Variants in UBP1 observed in about 807,000 individuals in gnomAD.
UBP1 encodes the protein upstream-binding protein 1.
UBP1 carries 22 observed loss-of-function variants against 76.1 expected under a neutral mutation model. That is an observed-to-expected ratio of 0.29 (90% CI 0.21 to 0.41). The LOEUF (loss-of-function observed/expected upper bound fraction) is 0.41. Among genes scored for constraint, UBP1 ranks in the 10% least tolerant of loss-of-function variants. The pLI, the probability that UBP1 is intolerant of heterozygous loss-of-function variation, is 1.00. For synonymous variants in UBP1, 224 were observed against 237.1 expected (o/e 0.94, Z 0.51); for missense variants, 436 against 668.1 (o/e 0.65, Z 3.83).
intron 8 of UBP1, among the ~76,000 whole-genome samples, chr3:33,404,583 G>C (rs1559676389): frequency 6.6e-6 from 1 of 151,778 alleles, no homozygotes; most frequent in African/African-American, 2.4e-5. Flanking sequence ...GGAAGGGGAG[G>C]CTGCAGTGAG....
chr3:33,441,233 GAT>G (rs1168432598), upstream of UBP1: 3 of 152,322 alleles, frequency 2.0e-5, no homozygotes, highest in African/African-American at 7.2e-5. Context: ...TACCGGAAGA[GAT>G]GAAATAGAAA....
intron 2 of UBP1, among the ~76,000 whole-genome samples, chr3:33,417,812 C>A (rs565191741): frequency 2.6e-5 from 4 of 152,262 alleles, no homozygotes; most frequent in Non-Finnish European, 4.4e-5. Flanking sequence ...TAACTACCAA[C>A]ACCTTGTCCA....
In UBP1 at chr3:33,393,326, G is replaced by C. The variant is rs778427257; in HGVS notation, c.1519C>G (p.Leu507Val). Residue 507 changes from leucine to valine, a missense_variant, in exon 14 of 16, where the codon CTT becomes GTT. Leu to Val is a conservative substitution (Grantham distance 32, BLOSUM62 1). Coordinates refer to ENST00000283629, the MANE Select transcript of UBP1 (RefSeq NM_014517.5). ...ATTTGATTTACCTGATCACTAACAAGAATGTGAATACCGGTGGGACCCTGT... is the reference window on the plus strand; with the variant it reads ...ATTTGATTTACCTGATCACTAACAACAATGTGAATACCGGTGGGACCCTGT... ...YRQGPTGIHI[L>V]VSDQMVQNFQ... is the part of the protein sequence containing the mutation. 1.6e-5 allele frequency: 26 copies of C among 1,605,872 alleles called. No individual in the cohort carries two copies. Among genetic ancestry groups the C allele is most frequent in the Middle Eastern group, 1.7e-4 (1 of 6,032 alleles).
chr3:33,411,998 C>T lies in UBP1; in HGVS notation c.449-311G>A, dbSNP rs1396335725. 2.6e-5 allele frequency among the ~76,000 whole-genome samples: 4 copies of T among 151,946 alleles called. No homozygotes were observed. The South Asian group carries it at 6.3e-4, about 24-fold the overall frequency. On this transcript the variant is annotated intron_variant, in intron 4 of 15. Coordinates refer to ENST00000283629, the MANE Select transcript of UBP1 (RefSeq NM_014517.5). The stretch of plus-strand genomic sequence containing the variant: ...GGTCAGGAGTTTGAGACCAGCCTGG[C>T]GAACATGGTGAAACCCCGTCTCTAC...
At chr3:33,436,388 G>A (rs2045205419) in intron 1 of UBP1, among the ~76,000 whole-genome samples, 1 of 152,164 alleles carries the variant, frequency 6.6e-6, no homozygotes, top group Non-Finnish European at 1.5e-5. Flanking sequence ...TCTGTCATTA[G>A]CTCAAAGCAG....
chr3:33,416,938 T>TA lies in UBP1; in HGVS notation c.266-105dup, dbSNP rs2044744070. On this transcript the variant is annotated intron_variant, in intron 2 of 15. Transcript: ENST00000283629. ...TCTCAGAACATACATTACACAATGA[T>TA]AGTTTGTTAATTTGCTACGGAAGCA... The TA allele has an allele frequency of 3.0e-6, 3 of 983,784 alleles. No individual in the cohort carries two copies. The Admixed American group carries it at 7.0e-5, about 23-fold the overall frequency. The allele number at this position is 983,784 out of a possible 1,614,324, so 60.9% of individuals were successfully genotyped here. A position where few individuals can be genotyped will look rare whatever the true frequency, so the allele number is the denominator to read the frequency against.
chr3:33,395,750 GAAAAAAAAAAAAAA>G (rs61654235), intron 13 of UBP1, among the ~76,000 whole-genome samples: 3 of 69,796 alleles, frequency 4.3e-5, no homozygotes, highest in South Asian at 5.3e-4. Context: ...CAGGAAAATT[GAAAAAAAAAAAAAA>G]AAAAAAAAAG....
chr3:33,401,701 G>T (rs2044234709), intron 9 of UBP1, among the ~76,000 whole-genome samples: 1 of 152,188 alleles, frequency 6.6e-6, no homozygotes, highest in Non-Finnish European at 1.5e-5. Context: ...AGCTCCTTCA[G>T]ACGGGGGTCT....
rs963806305 is a variant in UBP1, at chr3:33,390,011, G to A, written c.*320C>T. 2 of 317,292 alleles carry A rather than the reference G, an allele frequency of 6.3e-6. No individual in the cohort carries two copies. Among genetic ancestry groups the A allele is most frequent in the South Asian group, 9.6e-5 (1 of 10,384 alleles). 19.7% of individuals were successfully genotyped at this position (317,292 alleles called of 1,614,324 possible). A position where few individuals can be genotyped will look rare whatever the true frequency, so the allele number is the denominator to read the frequency against. Reference sequence around the variant, plus strand: ...CATTCATTTCCAAACCGCATACAGTGTAAAAAGACAGCAAAGGCTGCTTCT... The same window carrying A: ...CATTCATTTCCAAACCGCATACAGTATAAAAAGACAGCAAAGGCTGCTTCT... On this transcript the variant is annotated 3_prime_UTR_variant, in exon 16 of 16. Transcript: ENST00000283629.
chr3:33,415,613 T>G lies in UBP1; in HGVS notation c.342+1145A>C, dbSNP rs567282502. Among the ~76,000 whole-genome samples, 3 of 152,228 alleles carry G rather than the reference T, an allele frequency of 2.0e-5. No homozygotes were observed. The East Asian group carries it at 5.8e-4, about 29-fold the overall frequency. On this transcript the variant is annotated intron_variant, in intron 3 of 15. Coordinates refer to ENST00000283629, the MANE Select transcript of UBP1 (RefSeq NM_014517.5). ...TGGGTATGTTCAAATTTTACCATAA[T>G]AAAAAGTTAAAAAAATTGTTCTAAC...
intron 13 of UBP1, among the ~76,000 whole-genome samples, chr3:33,395,771 AAAG>A (rs1376892788): frequency 2.7e-5 from 4 of 149,708 alleles, no homozygotes; most frequent in Non-Finnish European, 4.4e-5. Context: ...AAAAAAAAAA[AAAG>A]AAAAAGGAAA....
At chr3:33,425,450 T>C in intron 2 of UBP1, 140 bp downstream of exon 2, 1 of 949,244 alleles carries the variant, frequency 1.1e-6, no homozygotes, top group Non-Finnish European at 1.5e-6. Flanking sequence ...GTAAAATTCC[T>C]ACAATTTTCA....
At chr3:33,428,971 C>T (rs561540162) in intron 1 of UBP1, among the ~76,000 whole-genome samples, 57 of 152,238 alleles carry the variant, frequency 3.7e-4, no homozygotes, top group African/African-American at 1.1e-3. Flanking sequence ...GACAACATGA[C>T]ACTGGAGTCC....
intron 2 of UBP1, among the ~76,000 whole-genome samples, chr3:33,418,009 C>T (rs1455831076): frequency 6.6e-6 from 1 of 152,082 alleles, no homozygotes; most frequent in Non-Finnish European, 1.5e-5. Context: ...CTAAAAAACA[C>T]CTGTATGGGA....
chr3:33,403,681 G>C (rs974793397), intron 8 of UBP1: 3 of 152,076 alleles, frequency 2.0e-5, no homozygotes, highest in Non-Finnish European at 4.4e-5. Flanking sequence ...GCAAAATTCT[G>C]ACCAGAAACA....
intron 13 of UBP1, among the ~76,000 whole-genome samples, chr3:33,394,187 A>C (rs1001055130): frequency 8.2e-6 from 1 of 122,188 alleles, no homozygotes; most frequent in Non-Finnish European, 1.7e-5. Flanking sequence ...ATGCCTGGCT[A>C]ATTTTTATTA....
rs749748973 is a variant in UBP1 at position 33,411,600 on chromosome 3, C to T, written c.536G>A (p.Arg179His). 20 of 1,614,072 alleles carry T rather than the reference C, an allele frequency of 1.2e-5. No homozygotes were observed. The highest frequency in any genetic ancestry group is 1.4e-5 in the Non-Finnish European group (16 of 1,179,968). The change falls in exon 5 of 16, where the codon CGC becomes CAC. Residue 179 changes from arginine (R) to histidine (H), a missense_variant. Coordinates refer to ENST00000283629, the MANE Select transcript of UBP1 (RefSeq NM_014517.5). The part of the protein sequence containing the change: ...AVEFLWDPAK[R>H]TSAFIQVHCI... Reference sequence around the variant, plus strand: ...CCAAACCTGAATGAAAGCAGAGGTGCGTTTTGCTGGGTCCCACAGAAATTC... The same window carrying T: ...CCAAACCTGAATGAAAGCAGAGGTGTGTTTTGCTGGGTCCCACAGAAATTC...
At chr3:33,397,599 G>A (rs1048719658) in intron 11 of UBP1, 4 of 152,332 alleles carry the variant, frequency 2.6e-5, no homozygotes, top group Non-Finnish European at 4.4e-5. Flanking sequence ...GTTGGTAGCC[G>A]AACTAGGACT....
rs1007604246 is a variant in UBP1 at position 33,413,621 on chromosome 3, G to A, written c.343-794C>T. Reference sequence around the variant, plus strand: ...AAAACAAAAATCCGAAACACTGCCCGCTGCCTTGAAAAAGTGAACTTAGGC... The same window carrying A: ...AAAACAAAAATCCGAAACACTGCCCACTGCCTTGAAAAAGTGAACTTAGGC... On this transcript the variant is annotated intron_variant, in intron 3 of 15. Transcript: ENST00000283629. Among the ~76,000 whole-genome samples the A allele has an allele frequency of 6.0e-5, 9 of 149,746 alleles. No homozygotes were observed. In the East Asian group the frequency reaches 1.2e-3, roughly 20 times the overall value.
Sources: allele counts gnomAD v4.1 joint callset (sites outside exome capture counted in the v4.1 genomes callset), GRCh38; gene constraint gnomAD v4.1.1; transcripts MANE v1.5; gene names NCBI Gene and HGNC (gene_info 2026-07-23, HGNC 2026-07-21).